The following SDK1 variants were observed in gnomAD, a reference collection of about 807,000 sequenced individuals.
SDK1 encodes the protein sidekick cell adhesion molecule 1.
SDK1 carries 157 observed loss-of-function variants against 245.5 expected under a neutral mutation model. The ratio of observed to expected loss-of-function variants is 0.64; its 90% CI spans 0.56 to 0.73. SDK1 has a LOEUF of 0.73. Among genes scored for constraint, SDK1 ranks in the 30% least tolerant of loss-of-function variants. The probability of loss-of-function intolerance (pLI) is 0.00; values close to 1 mark genes in which losing one functional copy is unlikely to be tolerated. For missense variants in SDK1, 3,583 were observed against 3,002.3 expected (o/e 1.19, Z -4.52); for synonymous variants, 1,647 against 1,278.5 (o/e 1.29, Z -6.15).
intron 1 of SDK1, among the ~76,000 whole-genome samples, chr7:3,504,174 A>ATGTGTG (rs1392132133): frequency 6.4e-5 from 4 of 62,030 alleles, no homozygotes; most frequent in Admixed American, 2.0e-4. Context: ...AAAATTATAT[A>ATGTGTG]TATATATATG....
chr7:3,547,947 A>G (rs118168602), intron 1 of SDK1, among the ~76,000 whole-genome samples: 3,166 of 152,340 alleles, frequency 0.021, 45 homozygotes, highest in Non-Finnish European at 0.031. Flanking sequence ...ATTGGAAAGC[A>G]TAGTCAGTGT....
intron 4 of SDK1, among the ~76,000 whole-genome samples, chr7:3,731,169 G>A (rs116867418): frequency 4.7e-4 from 72 of 152,246 alleles, no homozygotes; most frequent in East Asian, 1.9e-3. Context: ...GGTGACGGGC[G>A]GAGAGCTGGT....
At chr7:4,137,713 T>G (rs980242064) in intron 28 of SDK1, among the ~76,000 whole-genome samples, 2 of 152,264 alleles carry the variant, frequency 1.3e-5, no homozygotes, top group Admixed American at 6.5e-5. Flanking sequence ...ACTGCTGCTA[T>G]TGATTCGGCC....
At position 3,836,693 on chromosome 7, in the gene SDK1, G is replaced by A. The variant is rs79267204; in HGVS notation, c.847+15110G>A. On this transcript the variant is annotated intron_variant, in intron 5 of 44. Transcript: ENST00000404826. ...GGCAACCTCTCATCCAAAAACATCT[G>A]CCCCTCACATTGCTTTCAATATGCA... Among the ~76,000 whole-genome samples the A allele has an allele frequency of 1.1e-3, 171 of 152,312 alleles. 1 individual carries two copies. The highest frequency in any genetic ancestry group is 4.0e-3 in the African/African-American group (167 of 41,568).
At chr7:3,336,103 A>G (rs1780192810) in intron 1 of SDK1, among the ~76,000 whole-genome samples, 1 of 152,156 alleles carries the variant, frequency 6.6e-6, no homozygotes, top group Non-Finnish European at 1.5e-5. Flanking sequence ...CCCCATAGCC[A>G]GAGGACAGGG....
At chr7:3,601,123 C>G (rs1394795417) in intron 1 of SDK1, among the ~76,000 whole-genome samples, 2 of 151,960 alleles carry the variant, frequency 1.3e-5, no homozygotes, top group Non-Finnish European at 2.9e-5. Flanking sequence ...ATTTCATTTG[C>G]TAATATTTTG....
intron 4 of SDK1, among the ~76,000 whole-genome samples, chr7:3,775,114 A>T (rs1285855061): frequency 6.6e-6 from 1 of 152,220 alleles, no homozygotes; most frequent in Non-Finnish European, 1.5e-5. Flanking sequence ...ACAAAGGCTC[A>T]ACTGGCAATT....
chr7:3,854,849 C>T (rs926684105), intron 5 of SDK1, among the ~76,000 whole-genome samples: 1 of 152,084 alleles, frequency 6.6e-6, no homozygotes, highest in African/African-American at 2.4e-5. Flanking sequence ...TGAGGAATCG[C>T]TATAGAGAAC....
At chr7:3,857,414 G>A (rs1436813096) in intron 5 of SDK1, among the ~76,000 whole-genome samples, 2 of 152,138 alleles carry the variant, frequency 1.3e-5, no homozygotes, top group African/African-American at 4.8e-5. Context: ...TGGGTGTGAC[G>A]GCTCACACCT....
At chr7:3,536,485 C>G (rs1438450009) in intron 1 of SDK1, among the ~76,000 whole-genome samples, 2 of 151,978 alleles carry the variant, frequency 1.3e-5, no homozygotes, top group Non-Finnish European at 1.5e-5. Context: ...TGAGACCAGC[C>G]TGGCCAACTT....
At position 3,951,841 on chromosome 7, in the gene SDK1, C is replaced by T. The variant is rs145950536; in HGVS notation, c.1071C>T (p.Thr357=). 102 of 1,613,640 alleles carry T rather than the reference C, an allele frequency of 6.3e-5. No homozygotes were observed. The highest frequency in any genetic ancestry group is 7.9e-5 in the Non-Finnish European group (93 of 1,180,008). ...TCAGCAACCCGACGTCCGCGGACACCGGGCCATACGTCTGCGAGGCGGCGC... is the reference window on the plus strand; with the variant it reads ...TCAGCAACCCGACGTCCGCGGACACTGGGCCATACGTCTGCGAGGCGGCGC... ...LTISNPTSAD[T]GPYVCEAALP... is the part of the protein sequence containing the mutation. The change falls in exon 7 of 45, where the codon ACC becomes ACT. Residue 357 remains threonine, a synonymous_variant. Coordinates refer to ENST00000404826, the MANE Select transcript of SDK1 (RefSeq NM_152744.4).
intron 1 of SDK1, among the ~76,000 whole-genome samples, chr7:3,547,947 A>T (rs118168602): frequency 6.6e-6 from 1 of 152,346 alleles, no homozygotes; most frequent in South Asian, 2.1e-4. Context: ...ATTGGAAAGC[A>T]TAGTCAGTGT....
chr7:3,415,545 A>G (rs1192404846), intron 1 of SDK1, among the ~76,000 whole-genome samples: 1 of 152,080 alleles, frequency 6.6e-6, no homozygotes, highest in Non-Finnish European at 1.5e-5. Flanking sequence ...GAAAACCACA[A>G]AGTAATACTA....
chr7:3,470,429 C>A (rs1377894129), intron 1 of SDK1, among the ~76,000 whole-genome samples: 1 of 152,014 alleles, frequency 6.6e-6, no homozygotes, highest in South Asian at 2.1e-4. Context: ...AATTTGTAAT[C>A]AAACAATTTA....
chr7:3,310,824 G>A (rs530843992), intron 1 of SDK1, among the ~76,000 whole-genome samples: 5 of 152,304 alleles, frequency 3.3e-5, no homozygotes, highest in Non-Finnish European at 5.9e-5. Context: ...TGCTAGCTTT[G>A]CATCCTTGGG....
chr7:3,927,153 C>T (rs1162188893), intron 5 of SDK1, among the ~76,000 whole-genome samples: 7 of 152,110 alleles, frequency 4.6e-5, no homozygotes, highest in Non-Finnish European at 8.8e-5. Flanking sequence ...AAATAGCCTG[C>T]GAGATCTTAC....
intron 4 of SDK1, among the ~76,000 whole-genome samples, chr7:3,774,999 A>G (rs1338192954): frequency 6.6e-6 from 1 of 152,056 alleles, no homozygotes; most frequent in African/African-American, 2.4e-5. Flanking sequence ...TGCCCCAGGG[A>G]ACTGTGAAGG....
At chr7:4,059,020 G>A (rs1779374330) in intron 19 of SDK1, among the ~76,000 whole-genome samples, 1 of 151,520 alleles carries the variant, frequency 6.6e-6, no homozygotes, top group African/African-American at 2.4e-5. Flanking sequence ...GAGAAAGAAG[G>A]GAACAAAGGA....
chr7:3,453,769 C>T (rs1780591964), intron 1 of SDK1, among the ~76,000 whole-genome samples: 1 of 151,992 alleles, frequency 6.6e-6, no homozygotes, highest in African/African-American at 2.4e-5. Flanking sequence ...TTCATAGAAA[C>T]AGGGTCTTGC....
Sources: gnomAD v4.1 joint callset for allele counts (sites outside exome capture counted in the v4.1 genomes callset) on GRCh38, gnomAD v4.1.1 for gene constraint, MANE v1.5 for transcripts, NCBI Gene and HGNC (gene_info 2026-07-23, HGNC 2026-07-21) for gene names.